Variants in CHMP6 observed in about 807,000 individuals in gnomAD.
The protein encoded by CHMP6 is chromatin-modifying protein 6.
In CHMP6, 10 loss-of-function variants were observed where a neutral mutation model predicts 32.8. That is an observed-to-expected ratio of 0.30 (90% CI 0.19 to 0.52). The LOEUF (loss-of-function observed/expected upper bound fraction) is 0.52, where lower values mean the gene tolerates loss of function less well. Among genes scored for constraint, CHMP6 ranks in the 20% least tolerant of loss-of-function variants. The pLI, the probability that CHMP6 is intolerant of heterozygous loss-of-function variation, is 0.97. For synonymous variants in CHMP6, 123 were observed against 105.8 expected (o/e 1.16, Z -1.00); for missense variants, 269 against 263.8 (o/e 1.02, Z -0.14).
intron 6 of CHMP6, among the ~76,000 whole-genome samples, chr17:80,997,805 C>T (rs1312381484): frequency 6.6e-6 from 1 of 152,372 alleles, no homozygotes; most frequent in East Asian, 1.9e-4. Flanking sequence ...CCCCCAGAGC[C>T]GGCCTCTGCC....
chr17:80,997,146 C>T (rs2069644741), intron 5 of CHMP6, 74 bp downstream of exon 5: 5 of 1,603,780 alleles, frequency 3.1e-6, no homozygotes, highest in Non-Finnish European at 4.3e-6. Flanking sequence ...CAAACTGTCC[C>T]ACATCCTAGA....
intron 2 of CHMP6, 77 bp downstream of exon 2, chr17:80,994,767 T>C (rs1485754591): frequency 7.0e-6 from 3 of 430,158 alleles, no homozygotes; most frequent in African/African-American, 6.2e-5. Context: ...CCCTGTCGGC[T>C]GGGGTGGGGG....
At chr17:80,995,469 CCT>C (rs1186975113) in intron 3 of CHMP6, among the ~76,000 whole-genome samples, 1 of 152,122 alleles carries the variant, frequency 6.6e-6, no homozygotes, top group East Asian at 1.9e-4. Flanking sequence ...CCAGCGGTCC[CCT>C]GAGTGTGTCC....
chr17:80,996,726 G>A (rs988675745), intron 4 of CHMP6, among the ~76,000 whole-genome samples: 4 of 152,190 alleles, frequency 2.6e-5, no homozygotes, highest in Admixed American at 6.5e-5. Flanking sequence ...CTCATCAAAC[G>A]GCCCCTGTGG....
chr17:80,995,754 A>G lies in CHMP6; in HGVS notation c.344A>G (p.His115Arg). 1 of 1,613,842 alleles carries G rather than the reference A, an allele frequency of 6.2e-7. No individual in the cohort carries two copies. The highest frequency in any genetic ancestry group is 2.2e-5 in the East Asian group (1 of 44,876). Residue 115 changes from histidine to arginine, a missense_variant, in exon 4 of 8, where the codon CAC (histidine) becomes CGC (arginine). By Grantham distance (29) the His-to-Arg change is conservative. Transcript: ENST00000325167. ...GGAAATGAGTGTCTGAACAAGATGC[A>G]CCAGGTGAGTCTCTGCAGGGCCAGG... The part of the protein sequence containing the change: ...QFGNECLNKM[H>R]QVMSIEEVER...
chr17:80,995,252 T>C (rs1598439104), intron 3 of CHMP6, 146 bp downstream of exon 3: 2 of 767,614 alleles, frequency 2.6e-6, no homozygotes, highest in Non-Finnish European at 4.2e-6. Flanking sequence ...GGGGCGGGCC[T>C]GGAATCCCGG....
Position 80,997,256 on chromosome 17 carries a change from T to C in CHMP6, c.415-5T>C, listed in dbSNP as rs2069645709. 6.3e-7 allele frequency: 1 copy of C among 1,576,742 alleles called. No homozygotes were observed. Among genetic ancestry groups the C allele is most frequent in the African/African-American group, 1.4e-5 (1 of 72,508 alleles). On this transcript the variant is annotated splice_region_variant and splice_polypyrimidine_tract_variant and intron_variant, in intron 5 of 7. Coordinates refer to ENST00000325167, the MANE Select transcript of CHMP6 (RefSeq NM_024591.5). ...CTGCTCTCACCACCGCCTGTCCTTT[T>C]GCAGCAAATAGACGAGCTCCTGGCA...
chr17:80,998,727 C>T, intron 7 of CHMP6: 1 of 1,337,982 alleles, frequency 7.5e-7, no homozygotes, highest in Non-Finnish European at 9.7e-7. Context: ...CAGGATTAGC[C>T]CTCAGCCAGG....
chr17:80,993,095 C>T (rs565851324), intron 1 of CHMP6, among the ~76,000 whole-genome samples: 4 of 152,268 alleles, frequency 2.6e-5, no homozygotes, highest in Admixed American at 6.5e-5. Flanking sequence ...GCACTCCCTC[C>T]CCTCTCTTTA....
At position 80,995,230 on chromosome 17, in the gene CHMP6, C is replaced by T. The variant is rs1367729715; in HGVS notation, c.261+124C>T. 4 of 932,884 alleles carry T rather than the reference C, an allele frequency of 4.3e-6. No homozygotes were observed. The Admixed American group carries it at 9.7e-5, about 23-fold the overall frequency. 57.8% of individuals were successfully genotyped at this position (932,884 alleles called of 1,614,324 possible). Reference sequence around the variant, plus strand: ...TCCTCTCAGATGCCTCGGGCTGAAGCTGACCTGAAGAGGGGCGGGCCTGGA... The same window carrying T: ...TCCTCTCAGATGCCTCGGGCTGAAGTTGACCTGAAGAGGGGCGGGCCTGGA... On this transcript the variant is annotated intron_variant, in intron 3 of 7. Transcript: ENST00000325167.
At position 80,998,745 on chromosome 17, in the gene CHMP6, C is replaced by G. The variant is rs985538788; in HGVS notation, c.550+325C>G. ...GATTAGCCCTCAGCCAGGGATGGCT[C>G]TCCCCGTGGCACCATTCAGCACAGG... On this transcript the variant is annotated intron_variant, in intron 7 of 7. Transcript: ENST00000325167. 4.0e-6 allele frequency: 5 copies of G among 1,248,718 alleles called. No individual in the cohort carries two copies. In the African/African-American group the frequency reaches 6.1e-5, roughly 15 times the overall value. 77.4% of individuals were successfully genotyped at this position (1,248,718 alleles called of 1,614,324 possible). A position where few individuals can be genotyped will look rare whatever the true frequency, so the allele number is the denominator to read the frequency against.
Position 80,997,351 on chromosome 17 carries a change from C to A in CHMP6, c.495+10C>A, listed in dbSNP as rs774760416. ...GAGCGCAATCACTCAGGTAACGGCC[C>A]CCCCGGGACTGAGCACAGTCACTCA... On this transcript the variant is annotated intron_variant, in intron 6 of 7. Coordinates refer to ENST00000325167, the MANE Select transcript of CHMP6 (RefSeq NM_024591.5). 9.4e-6 allele frequency: 15 copies of A among 1,601,324 alleles called. 1 individual carries two copies. Among genetic ancestry groups the A allele is most frequent in the Middle Eastern group, 1.7e-4 (1 of 6,054 alleles).
Position 80,999,795 on chromosome 17 carries a change from T to A in CHMP6, c.*642T>A, listed in dbSNP as rs554030369. 6.6e-6 allele frequency: 1 copy of A among 152,446 alleles called. No individual in the cohort carries two copies. Among genetic ancestry groups the A allele is most frequent in the South Asian group, 2.1e-4 (1 of 4,814 alleles). The allele number at this position is 152,446 out of a possible 1,614,324, so 9.4% of individuals were successfully genotyped here. A position where few individuals can be genotyped will look rare whatever the true frequency, so the allele number is the denominator to read the frequency against. On this transcript the variant is annotated 3_prime_UTR_variant, in exon 8 of 8. Coordinates refer to ENST00000325167, the MANE Select transcript of CHMP6 (RefSeq NM_024591.5). ...TCCCGCCTTGCCACTCACGGCTCTG[T>A]CCACTAGGGCTCAGCCCTGCTGAGA...
chr17:80,992,035 G>A, intron 1 of CHMP6, 54 bp downstream of exon 1: 2 of 1,258,136 alleles, frequency 1.6e-6, no homozygotes, highest in Non-Finnish European at 2.0e-6. Context: ...GACGGGGCCG[G>A]GGCGGGCGGC....
At chr17:80,998,693 C>G in intron 7 of CHMP6, 1 of 1,379,922 alleles carries the variant, frequency 7.2e-7, no homozygotes, top group Non-Finnish European at 9.4e-7. Flanking sequence ...TTTAGCAGCA[C>G]CAGCTCATTC....
intron 3 of CHMP6, among the ~76,000 whole-genome samples, 162 bp downstream of exon 3, chr17:80,995,268 C>T (rs1417342913): frequency 2.0e-5 from 3 of 152,160 alleles, no homozygotes; most frequent in Non-Finnish European, 4.4e-5. Flanking sequence ...CCCGGGGAGT[C>T]TGCCAGGAAG....
intron 4 of CHMP6, among the ~76,000 whole-genome samples, chr17:80,996,511 A>G (rs1298231985): frequency 6.6e-6 from 1 of 152,154 alleles, no homozygotes; most frequent in Non-Finnish European, 1.5e-5. Context: ...TGGCTGTGCT[A>G]CTTTTCCAAG....
At chr17:80,993,745 C>T (rs946205231) in intron 1 of CHMP6, among the ~76,000 whole-genome samples, 3 of 152,184 alleles carry the variant, frequency 2.0e-5, no homozygotes, top group Non-Finnish European at 4.4e-5. Context: ...AGGCGGTCAG[C>T]GGGGCCGAGT....
chr17:80,995,699 G>A lies in CHMP6; in HGVS notation c.289G>A (p.Glu97Lys), dbSNP rs775200526. The A allele has an allele frequency of 1.2e-5, 20 of 1,614,072 alleles. No individual in the cohort carries two copies. The highest frequency in any genetic ancestry group is 1.4e-5 in the Non-Finnish European group (17 of 1,179,952). ...MVQSIEFTQI[E>K]MKVMEGLQFG... ...TCAGAGTATTGAGTTCACCCAGATC[G>A]AAATGAAAGTGATGGAGGGGCTGCA... Residue 97 changes from glutamate (E) to lysine (K), a missense_variant, in exon 4 of 8, where the codon GAA (glutamate) becomes AAA (lysine). Transcript: ENST00000325167.
Sources: gnomAD v4.1 joint callset for allele counts (sites outside exome capture counted in the v4.1 genomes callset) on GRCh38, gnomAD v4.1.1 for gene constraint, MANE v1.5 for transcripts, NCBI Gene and HGNC (gene_info 2026-07-23, HGNC 2026-07-21) for gene names.